The following SEMA3E variants were observed in gnomAD, a reference collection of about 807,000 sequenced individuals.
SEMA3E encodes semaphorin-3E.
Under a neutral mutation model 93.6 loss-of-function variants are expected in SEMA3E, and 49 were observed. The ratio of observed to expected loss-of-function variants is 0.52; its 90% CI spans 0.42 to 0.66. The LOEUF (loss-of-function observed/expected upper bound fraction) is 0.66. SEMA3E is among the 30% of genes least tolerant of loss of function. The pLI is 0.00. For synonymous variants in SEMA3E, 363 were observed against 330.7 expected, an observed-to-expected ratio of 1.10 and a Z score of -1.06; for missense variants, 906 against 964.8, an observed-to-expected ratio of 0.94 and a Z score of 0.81.
At chr7:83,493,974 C>T (rs897479449) in intron 1 of SEMA3E, among the ~76,000 whole-genome samples, 7 of 151,818 alleles carry the variant, frequency 4.6e-5, no homozygotes, top group Non-Finnish European at 4.4e-5. Context: ...AAAATAGAAA[C>T]TATTTTTGAA....
chr7:83,625,168 A>C (rs556672092), intron 1 of SEMA3E, among the ~76,000 whole-genome samples: 1 of 152,262 alleles, frequency 6.6e-6, no homozygotes, highest in African/African-American at 2.4e-5. Context: ...TGATGCCTCC[A>C]GCTTTGTTCT....
chr7:83,445,190 G>C (rs1230828583), intron 4 of SEMA3E, among the ~76,000 whole-genome samples: 1 of 152,184 alleles, frequency 6.6e-6, no homozygotes, highest in Non-Finnish European at 1.5e-5. Flanking sequence ...GGAAGTTGAG[G>C]AAGCAAAGAT....
chr7:83,635,606 A>G (rs551850101), intron 1 of SEMA3E, among the ~76,000 whole-genome samples: 16 of 152,014 alleles, frequency 1.1e-4, no homozygotes, highest in Middle Eastern at 6.8e-3. Flanking sequence ...AAAATATATT[A>G]TCAATTGATT....
intron 1 of SEMA3E, among the ~76,000 whole-genome samples, chr7:83,611,558 A>T (rs1222832735): frequency 1.3e-5 from 2 of 151,196 alleles, no homozygotes; most frequent in East Asian, 3.9e-4. Context: ...TCAGGAAATG[A>T]CAGCTTCAAT....
rs1011821930 is a variant in SEMA3E, at chr7:83,604,068, C to T, written c.115+44360G>A. Reference sequence around the variant, plus strand: ...CTAATTGCATGGTTCTCTTAATGAACTTGACTATAACCACAGTTTCTGGAA... The same window carrying T: ...CTAATTGCATGGTTCTCTTAATGAATTTGACTATAACCACAGTTTCTGGAA... On this transcript the variant is annotated intron_variant, in intron 1 of 16. Coordinates refer to ENST00000643230, the MANE Select transcript of SEMA3E (RefSeq NM_012431.3). Among the ~76,000 whole-genome samples, 5 of 152,060 alleles carry T rather than the reference C, an allele frequency of 3.3e-5. No homozygotes were observed. The East Asian group carries it at 9.6e-4, about 29-fold the overall frequency.
At chr7:83,514,509 T>A (rs1790888693) in intron 1 of SEMA3E, among the ~76,000 whole-genome samples, 1 of 152,118 alleles carries the variant, frequency 6.6e-6, no homozygotes, top group South Asian at 2.1e-4. Flanking sequence ...CTGTAATTTT[T>A]AAAAAAGATC....
chr7:83,568,469 C>T (rs1408470738), intron 1 of SEMA3E, among the ~76,000 whole-genome samples: 1 of 152,010 alleles, frequency 6.6e-6, no homozygotes, highest in Non-Finnish European at 1.5e-5. Flanking sequence ...GATACAAAAA[C>T]TCTCAACAAA....
chr7:83,578,340 T>C (rs1792451213), intron 1 of SEMA3E, among the ~76,000 whole-genome samples: 2 of 152,104 alleles, frequency 1.3e-5, no homozygotes, highest in Non-Finnish European at 2.9e-5. Flanking sequence ...GTGGATCACT[T>C]GATATCAGGA....
intron 1 of SEMA3E, among the ~76,000 whole-genome samples, chr7:83,508,224 A>ATTAACTAAAT (rs1347059941): frequency 1.3e-5 from 2 of 151,568 alleles, no homozygotes; most frequent in African/African-American, 2.4e-5. Context: ...ATATAAAAAT[A>ATTAACTAAAT]TTAACTAAAT....
chr7:83,523,609 G>C (rs184974690), intron 1 of SEMA3E, among the ~76,000 whole-genome samples: 8 of 151,952 alleles, frequency 5.3e-5, no homozygotes, highest in African/African-American at 1.9e-4. Flanking sequence ...TGTCTGCTTT[G>C]GATTTCCTGA....
intron 1 of SEMA3E, among the ~76,000 whole-genome samples, chr7:83,602,317 C>A (rs796172813): frequency 6.6e-6 from 1 of 152,134 alleles, no homozygotes; most frequent in Non-Finnish European, 1.5e-5. Context: ...TCACAAATTA[C>A]AAATCATAAT....
At chr7:83,377,269 C>T (rs1358138664) in intron 16 of SEMA3E, among the ~76,000 whole-genome samples, 3 of 151,918 alleles carry the variant, frequency 2.0e-5, no homozygotes, top group East Asian at 1.9e-4. Context: ...AAGACTTTTT[C>T]CCCCCAAAAT....
At chr7:83,470,481 T>C (rs1306284457) in intron 2 of SEMA3E, among the ~76,000 whole-genome samples, 1 of 152,144 alleles carries the variant, frequency 6.6e-6, no homozygotes, top group African/African-American at 2.4e-5. Context: ...CTTTATCAAC[T>C]TACGTGCAGA....
In SEMA3E at chr7:83,461,162, C is replaced by T. The variant is rs533703903; in HGVS notation, c.456+5320G>A. 3.3e-5 allele frequency among the ~76,000 whole-genome samples: 5 copies of T among 152,230 alleles called. No individual in the cohort carries two copies. In the East Asian group the frequency reaches 5.8e-4, roughly 18 times the overall value. On this transcript the variant is annotated intron_variant, in intron 4 of 16. Coordinates refer to ENST00000643230, the MANE Select transcript of SEMA3E (RefSeq NM_012431.3). ...TAAAATAGGCAAACGGTCTGAGGTGCCTGATGTCCAGACATTCTTTTACAC... is the reference window on the plus strand; with the variant it reads ...TAAAATAGGCAAACGGTCTGAGGTGTCTGATGTCCAGACATTCTTTTACAC...
chr7:83,586,158 C>G (rs557560079), intron 1 of SEMA3E, among the ~76,000 whole-genome samples: 4 of 152,226 alleles, frequency 2.6e-5, no homozygotes, highest in African/African-American at 9.6e-5. Context: ...TTTTAAGAGA[C>G]ACACTGAGAG....
Position 83,363,860 on chromosome 7 carries a change from A to ATTTTTTTTTTTTTTTT in SEMA3E, c.*3710_*3725dup, listed in dbSNP as rs56867715. The ATTTTTTTTTTTTTTTT allele has an allele frequency of 1.3e-5, 1 of 76,922 alleles. No individual in the cohort carries two copies. The highest frequency in any genetic ancestry group is 5.0e-5 in the African/African-American group (1 of 20,066). 4.8% of individuals were successfully genotyped at this position (76,922 alleles called of 1,614,324 possible). ...GGCTACAGGTGTCACAGGTCAATTC[A>ATTTTTTTTTTTTTTTT]TTTTTTTTTTTTTTTTTTTTTTTTT... is the stretch of plus-strand genomic sequence containing the variant. On this transcript the variant is annotated 3_prime_UTR_variant, in exon 17 of 17. Coordinates refer to ENST00000643230, the MANE Select transcript of SEMA3E (RefSeq NM_012431.3).
chr7:83,530,643 G>A (rs960814767), intron 1 of SEMA3E, among the ~76,000 whole-genome samples: 3 of 152,154 alleles, frequency 2.0e-5, no homozygotes, highest in African/African-American at 7.2e-5. Context: ...TTGGGAGGCT[G>A]AGGCGGGTGG....
At chr7:83,611,914 A>G (rs1179123289) in intron 1 of SEMA3E, among the ~76,000 whole-genome samples, 1 of 152,078 alleles carries the variant, frequency 6.6e-6, no homozygotes, top group East Asian at 1.9e-4. Context: ...TACCTTTAGC[A>G]TGGCAGCAGA....
At chr7:83,623,587 T>C (rs944150196) in intron 1 of SEMA3E, among the ~76,000 whole-genome samples, 1 of 152,186 alleles carries the variant, frequency 6.6e-6, no homozygotes, top group Non-Finnish European at 1.5e-5. Context: ...AGCAATAACA[T>C]TTCTGCTTTA....
Sources: gnomAD v4.1 joint callset for allele counts (sites outside exome capture counted in the v4.1 genomes callset) on GRCh38, gnomAD v4.1.1 for gene constraint, MANE v1.5 for transcripts, NCBI Gene and HGNC (gene_info 2026-07-23, HGNC 2026-07-21) for gene names.